Variants in CSMD1 observed in about 807,000 individuals in gnomAD.
The protein encoded by CSMD1 is CUB and sushi domain-containing protein 1.
In CSMD1, 213 loss-of-function variants were observed where a neutral mutation model predicts 417.5. That is an observed-to-expected ratio of 0.51 (90% CI 0.46 to 0.57). The LOEUF (loss-of-function observed/expected upper bound fraction) is 0.57, where lower values mean the gene tolerates loss of function less well. Among genes scored for constraint, CSMD1 ranks in the 20% least tolerant of loss-of-function variants. The pLI is 0.00. For missense variants in CSMD1, 6,923 were observed against 4,529.7 expected (o/e 1.53, Z -15.17); for synonymous variants, 2,862 against 1,736.8 (o/e 1.65, Z -16.11).
At chr8:3,218,953 C>G (rs1798042975) in intron 29 of CSMD1, among the ~76,000 whole-genome samples, 1 of 151,978 alleles carries the variant, frequency 6.6e-6, no homozygotes, top group Non-Finnish European at 1.5e-5. Context: ...GTGTTAAAAC[C>G]CGTCTTAAAA....
At chr8:4,139,595 T>A (rs1314998952) in intron 3 of CSMD1, among the ~76,000 whole-genome samples, 1 of 151,038 alleles carries the variant, frequency 6.6e-6, no homozygotes, top group Non-Finnish European at 1.5e-5. Context: ...TGAGTGGGCA[T>A]CAAGGGGACA....
intron 12 of CSMD1, among the ~76,000 whole-genome samples, chr8:3,429,026 G>C (rs1308000559): frequency 1.3e-5 from 2 of 152,192 alleles, no homozygotes; most frequent in Admixed American, 6.5e-5. Flanking sequence ...GTGGTTACCA[G>C]AGACTGGGGG....
At chr8:4,539,157 G>A (rs530981909) in intron 2 of CSMD1, among the ~76,000 whole-genome samples, 1 of 152,214 alleles carries the variant, frequency 6.6e-6, no homozygotes, top group African/African-American at 2.4e-5. Context: ...TTTTTTGTGG[G>A]TGAATTAACA....
At chr8:3,144,971 A>G (rs1818750318) in intron 40 of CSMD1, among the ~76,000 whole-genome samples, 1 of 152,066 alleles carries the variant, frequency 6.6e-6, no homozygotes, top group African/African-American at 2.4e-5. Context: ...AGCTAAAAAC[A>G]CAGTTTGGCG....
chr8:4,749,340 C>T (rs183508226), intron 1 of CSMD1, among the ~76,000 whole-genome samples: 5 of 152,296 alleles, frequency 3.3e-5, no homozygotes, highest in East Asian at 1.9e-4. Context: ...TTACATTAAA[C>T]GTAAAAGCCA....
chr8:4,958,308 T>C (rs910966230), intron 1 of CSMD1, among the ~76,000 whole-genome samples: 6 of 152,276 alleles, frequency 3.9e-5, no homozygotes, highest in Non-Finnish European at 8.8e-5. Flanking sequence ...TTTTTTAACT[T>C]TTACAAATAT....
At chr8:4,444,153 C>A (rs954363747) in intron 2 of CSMD1, among the ~76,000 whole-genome samples, 1 of 151,754 alleles carries the variant, frequency 6.6e-6, no homozygotes, top group African/African-American at 2.4e-5. Context: ...ACCACTCTGG[C>A]CAACATGGCA....
chr8:3,660,208 A>G (rs1253805274), intron 7 of CSMD1, among the ~76,000 whole-genome samples: 1 of 152,150 alleles, frequency 6.6e-6, no homozygotes, highest in Non-Finnish European at 1.5e-5. Context: ...GGAGCCCGCA[A>G]TTATCTACAT....
chr8:3,422,516 A>G (rs915372530), intron 12 of CSMD1, among the ~76,000 whole-genome samples: 1 of 152,184 alleles, frequency 6.6e-6, no homozygotes, highest in South Asian at 2.1e-4. Flanking sequence ...AAGGTATACT[A>G]CTGAAGAAAT....
rs1275155741 is a variant in CSMD1, at chr8:4,814,908, T to C, written c.86-177350A>G. Among the ~76,000 whole-genome samples, 3 of 152,308 alleles carry C rather than the reference T, an allele frequency of 2.0e-5. No homozygotes were observed. In the East Asian group the frequency reaches 5.8e-4, roughly 29 times the overall value. On this transcript the variant is annotated intron_variant, in intron 1 of 69. Transcript: ENST00000635120. ...GATAAAAACTATATAATCACAAAAC[T>C]ACGTATTTGGTTGAATAAACATTTT...
At chr8:4,136,398 TC>T (rs1310099727) in intron 3 of CSMD1, among the ~76,000 whole-genome samples, 2 of 151,966 alleles carry the variant, frequency 1.3e-5, no homozygotes, top group Non-Finnish European at 2.9e-5. Flanking sequence ...GACTGGAGGG[TC>T]CCTTGAAATA....
intron 10 of CSMD1, among the ~76,000 whole-genome samples, chr8:3,498,280 G>A (rs773162858): frequency 2.0e-5 from 3 of 152,132 alleles, no homozygotes; most frequent in African/African-American, 7.2e-5. Context: ...GCTATATCAA[G>A]GTGTGGATAT....
intron 42 of CSMD1, among the ~76,000 whole-genome samples, chr8:3,117,231 C>A (rs1286390257): frequency 1.3e-5 from 2 of 152,022 alleles, no homozygotes; most frequent in East Asian, 3.9e-4. Flanking sequence ...CCACCACGCC[C>A]AGCTAATTTT....
At chr8:4,425,683 G>A (rs577545942) in intron 2 of CSMD1, among the ~76,000 whole-genome samples, 1 of 148,730 alleles carries the variant, frequency 6.7e-6, no homozygotes, top group African/African-American at 2.5e-5. Flanking sequence ...CTTCTTATAA[G>A]CAACTGGCTT....
intron 2 of CSMD1, among the ~76,000 whole-genome samples, chr8:4,519,841 T>C (rs1803339515): frequency 1.3e-5 from 2 of 149,226 alleles, no homozygotes; most frequent in African/African-American, 5.0e-5. Context: ...GAGCTAGATC[T>C]TATAGGATGA....
At chr8:3,061,912 A>G (rs1442805895) in intron 49 of CSMD1, among the ~76,000 whole-genome samples, 1 of 152,158 alleles carries the variant, frequency 6.6e-6, no homozygotes, top group Non-Finnish European at 1.5e-5. Context: ...TGACTAGTAA[A>G]CGGCTCTGTG....
chr8:3,968,551 A>G (rs1044319271), intron 5 of CSMD1, among the ~76,000 whole-genome samples: 2 of 152,160 alleles, frequency 1.3e-5, no homozygotes, highest in African/African-American at 4.8e-5. Flanking sequence ...AGATTTTCAG[A>G]AGGTTTGAAC....
At chr8:3,141,092 A>G (rs1159146366) in intron 41 of CSMD1, among the ~76,000 whole-genome samples, 1 of 152,170 alleles carries the variant, frequency 6.6e-6, no homozygotes, top group Non-Finnish European at 1.5e-5. Context: ...GAGAGCTCAG[A>G]GGGACATAGT....
intron 7 of CSMD1, among the ~76,000 whole-genome samples, chr8:3,685,659 C>G (rs1799909286): frequency 6.6e-6 from 1 of 152,092 alleles, no homozygotes; most frequent in Non-Finnish European, 1.5e-5. Context: ...CCTGGGGGTG[C>G]TTTTCTGAGG....
Sources: gnomAD v4.1 joint callset for allele counts (sites outside exome capture counted in the v4.1 genomes callset) on GRCh38, gnomAD v4.1.1 for gene constraint, MANE v1.5 for transcripts, NCBI Gene and HGNC (gene_info 2026-07-23, HGNC 2026-07-21) for gene names.